Variants in ARRB2 observed in about 807,000 individuals in gnomAD.
The protein encoded by ARRB2 is arrestin beta 2.
A neutral mutation model predicts 53.4 loss-of-function variants in ARRB2; 21 were observed. That is an observed-to-expected ratio of 0.39 (90% CI 0.28 to 0.57). The LOEUF (loss-of-function observed/expected upper bound fraction) is 0.57. Ranked by LOEUF, ARRB2 falls within the 20% of genes least tolerant of loss-of-function variation. ARRB2 has a pLI of 0.55. For missense variants in ARRB2, 369 were observed against 527.5 expected, an observed-to-expected ratio of 0.70 and a Z score of 2.94; for synonymous variants, 180 against 212.9, an observed-to-expected ratio of 0.85 and a Z score of 1.34.
chr17:4,715,716 C>CACACACACACAA, intron 2 of ARRB2: 1 of 461,282 alleles, frequency 2.2e-6, no homozygotes, highest in Non-Finnish European at 3.9e-6. Flanking sequence ...CACACACACA[C>CACACACACACAA]ACACACACAA....
chr17:4,716,679 A>G (rs1299070238), intron 5 of ARRB2, 71 bp downstream of exon 5: 1 of 1,523,638 alleles, frequency 6.6e-7, no homozygotes, highest in Non-Finnish European at 8.8e-7. Flanking sequence ...GGGGTAAGGC[A>G]CTGCTGTGGG....
In ARRB2 at chr17:4,717,054, G is replaced by A. The variant is rs1399308286; in HGVS notation, c.358-163G>A. ...TTGCCACGTTGGTCAGGCTGGTCTG[G>A]AACCCCTGACCTCAGGTGATCCGCC... is the stretch of plus-strand genomic sequence containing the variant. On this transcript the variant is annotated intron_variant, in intron 5 of 14. Transcript: ENST00000269260. The surrounding 1 kb of genome is among the most constrained non-coding windows in gnomAD (Gnocchi z 6.0). 16 of 788,322 alleles carry A rather than the reference G, an allele frequency of 2.0e-5. No homozygotes were observed. The highest frequency in any genetic ancestry group is 3.2e-5 in the Non-Finnish European group (15 of 471,788). 48.8% of individuals were successfully genotyped at this position (788,322 alleles called of 1,614,324 possible).
chr17:4,715,051 T>C lies in ARRB2; in HGVS notation c.54+8T>C. 1 of 1,605,606 alleles carries C rather than the reference T, an allele frequency of 6.2e-7. No individual in the cohort carries two copies. Among genetic ancestry groups the C allele is most frequent in the South Asian group, 1.1e-5 (1 of 89,298 alleles). Reference sequence around the variant, plus strand: ...TCGAGCCCTAACTGCAAGGTGAGTCTCCACAGCACTTACCCTTTTGACCCT... The same window carrying C: ...TCGAGCCCTAACTGCAAGGTGAGTCCCCACAGCACTTACCCTTTTGACCCT... On this transcript the variant is annotated splice_region_variant and intron_variant, in intron 2 of 14. Coordinates refer to ENST00000269260, the MANE Select transcript of ARRB2 (RefSeq NM_004313.4).
intron 1 of ARRB2, among the ~76,000 whole-genome samples, chr17:4,712,489 G>A (rs34593112): frequency 6.6e-6 from 1 of 152,238 alleles, no homozygotes; most frequent in Non-Finnish European, 1.5e-5. Context: ...CCCAGACACT[G>A]TGGTAACCTG....
chr17:4,715,143 A>G (rs1567680798), intron 2 of ARRB2, 100 bp downstream of exon 2: 8 of 1,342,228 alleles, frequency 6.0e-6, no homozygotes, highest in Non-Finnish European at 8.2e-6. Flanking sequence ...ATGATCCCCA[A>G]CCCCTAGCTC....
chr17:4,712,724 C>A (rs1914538922), intron 1 of ARRB2, among the ~76,000 whole-genome samples: 1 of 152,242 alleles, frequency 6.6e-6, no homozygotes, highest in South Asian at 2.1e-4. Flanking sequence ...TGGGTGGAGT[C>A]CAGGCTTAAA....
intron 14 of ARRB2, 59 bp downstream of exon 14, chr17:4,720,699 A>G (rs1022317950): frequency 7.2e-7 from 1 of 1,397,414 alleles, no homozygotes; most frequent in African/African-American, 1.4e-5. Context: ...TAACATTCAA[A>G]TCTGCCCTCA....
chr17:4,718,068 C>T (rs1392363108), intron 8 of ARRB2, 45 bp downstream of exon 8: 1 of 1,609,454 alleles, frequency 6.2e-7, no homozygotes, highest in Non-Finnish European at 8.5e-7. Context: ...GCAGTTTAGA[C>T]CCTGGGGGAG....
At chr17:4,718,707 G>A (rs1246817566) in intron 10 of ARRB2, 23 bp downstream of exon 10, 1 of 1,606,130 alleles carries the variant, frequency 6.2e-7, no homozygotes, top group Admixed American at 1.7e-5. Context: ...AGAGACCCAT[G>A]TTCCAATCTA....
At chr17:4,716,677 GCA>G in intron 5 of ARRB2, 69 bp downstream of exon 5, 1 of 1,525,136 alleles carries the variant, frequency 6.6e-7, no homozygotes, top group African/African-American at 1.4e-5. Flanking sequence ...TGGGGGTAAG[GCA>G]CTGCTGTGGG....
chr17:4,711,850 C>A (rs940923891), intron 1 of ARRB2, among the ~76,000 whole-genome samples: 2 of 152,198 alleles, frequency 1.3e-5, no homozygotes, highest in Admixed American at 6.5e-5. Context: ...CCATGAAATT[C>A]TGGGCCACAG....
In ARRB2 at chr17:4,711,504, G is replaced by T. The variant is rs1371903065; in HGVS notation, c.23+760G>T. Among the ~76,000 whole-genome samples the T allele has an allele frequency of 2.0e-5, 3 of 152,174 alleles. No individual in the cohort carries two copies. The East Asian group carries it at 5.8e-4, about 29-fold the overall frequency. ...TGGATGCCTGAGTCGCAGGGGAGCG[G>T]GAGCAAAAGACGAAAAGGTTGGGGC... On this transcript the variant is annotated intron_variant, in intron 1 of 14. Transcript: ENST00000269260.
chr17:4,718,192 T>G, intron 8 of ARRB2, 69 bp from the exon 9 acceptor site: 3 of 1,549,762 alleles, frequency 1.9e-6, no homozygotes, highest in African/African-American at 2.7e-5. Context: ...GTGTCTGTGT[T>G]TGGGGACACA....
At chr17:4,719,611 A>G (rs919348313) in intron 11 of ARRB2, among the ~76,000 whole-genome samples, 191 bp downstream of exon 11, 29 of 152,238 alleles carry the variant, frequency 1.9e-4, no homozygotes, top group African/African-American at 6.3e-4. Context: ...AGTATGAAGG[A>G]GAAAAAGCCA....
rs1472502552 is a variant in ARRB2, at chr17:4,718,272, T to C, written c.633T>C (p.His211=). ...CCTCCCCCCAAAAGCTGTACTACCA[T>C]GGGGAGCCCCTCAATGTAAATGTCC... ...EASLDKELYY[H]GEPLNVNVHV... Residue 211 remains histidine, a synonymous_variant, in exon 9 of 15, where the codon CAT becomes CAC. Transcript: ENST00000269260. The C allele has an allele frequency of 6.2e-7, 1 of 1,611,682 alleles. No individual in the cohort carries two copies. Among genetic ancestry groups the C allele is most frequent in the Admixed American group, 1.7e-5 (1 of 59,692 alleles).
At chr17:4,719,070 G>A (rs1460091205) in intron 10 of ARRB2, among the ~76,000 whole-genome samples, 3 of 152,186 alleles carry the variant, frequency 2.0e-5, no homozygotes, top group African/African-American at 4.8e-5. Flanking sequence ...CGCCGCGACC[G>A]GCCACCATCT....
intron 8 of ARRB2, 50 bp from the exon 9 acceptor site, chr17:4,718,211 G>C (rs1054307072): frequency 1.0e-5 from 16 of 1,567,324 alleles, no homozygotes; most frequent in Non-Finnish European, 1.3e-5. Context: ...CACTGATGAT[G>C]GGAACAGTGA....
chr17:4,714,524 A>C (rs1196758383), intron 1 of ARRB2: 1 of 216,334 alleles, frequency 4.6e-6, no homozygotes, highest in Non-Finnish European at 9.0e-6. Context: ...ATTACTGGGG[A>C]GGGAAGGGGA....
chr17:4,715,494 C>T, intron 2 of ARRB2: 1 of 162,820 alleles, frequency 6.1e-6, no homozygotes, highest in Non-Finnish European at 1.2e-5. Flanking sequence ...CAGACACACA[C>T]ACACATACAC....
Sources: allele counts gnomAD v4.1 joint callset (sites outside exome capture counted in the v4.1 genomes callset), GRCh38; gene constraint gnomAD v4.1.1; non-coding constraint Gnocchi (gnomAD v3.1); transcripts MANE v1.5; gene names NCBI Gene and HGNC (gene_info 2026-07-23, HGNC 2026-07-21).